Variants in ITGB2 observed in about 807,000 individuals in gnomAD.
The protein encoded by ITGB2 is integrin subunit beta 2.
A neutral mutation model predicts 86.8 loss-of-function variants in ITGB2; 56 were observed. That is an observed-to-expected ratio of 0.65 (90% CI 0.52 to 0.81). ITGB2 has a LOEUF of 0.81. ITGB2 is among the 30% of genes least tolerant of loss of function. The pLI is 0.00. For synonymous variants in ITGB2, 457 were observed against 450.4 expected (o/e 1.01, Z -0.19); for missense variants, 948 against 1,061.2 (o/e 0.89, Z 1.48).
At chr21:44,909,846 G>A (rs2084102035) in intron 3 of ITGB2, among the ~76,000 whole-genome samples, 1 of 152,230 alleles carries the variant, frequency 6.6e-6, no homozygotes, top group Non-Finnish European at 1.5e-5. Flanking sequence ...TCCCTGCAAA[G>A]CCCCTGGATT....
intron 1 of ITGB2, among the ~76,000 whole-genome samples, chr21:44,911,705 G>C (rs928188631): frequency 6.6e-6 from 1 of 152,162 alleles, no homozygotes; most frequent in Non-Finnish European, 1.5e-5. Context: ...CTTAACCCAC[G>C]CATCCACAGC....
rs111374906 is a variant in ITGB2 at position 44,919,267 on chromosome 21, C to T, written c.-4+1554G>A. 3.1e-3 allele frequency among the ~76,000 whole-genome samples: 469 copies of T among 152,304 alleles called. 3 individuals carry two copies. The highest frequency in any genetic ancestry group is 0.01 in the African/African-American group (424 of 41,574). ...GGGGCCGAGGCATGGGCTCAGCCGCCGCCCTGCAGGGACGTAGCCAGGGAC... is the reference window on the plus strand; with the variant it reads ...GGGGCCGAGGCATGGGCTCAGCCGCTGCCCTGCAGGGACGTAGCCAGGGAC... On this transcript the variant is annotated intron_variant, in intron 1 of 15. Transcript: ENST00000652462.
At chr21:44,903,283 C>T (rs1380357467) in intron 5 of ITGB2, 82 bp downstream of exon 5, 25 of 1,552,314 alleles carry the variant, frequency 1.6e-5, no homozygotes, top group African/African-American at 9.5e-5. Flanking sequence ...GACCTGAGTG[C>T]GAGGAGTTGT....
intron 4 of ITGB2, among the ~76,000 whole-genome samples, chr21:44,905,236 C>T (rs2084025244): frequency 6.6e-6 from 1 of 152,112 alleles, no homozygotes; most frequent in Non-Finnish European, 1.5e-5. Flanking sequence ...CTTCCCAGAT[C>T]CTGCCGCCCT....
chr21:44,917,257 T>C (rs1402231449), intron 1 of ITGB2, among the ~76,000 whole-genome samples: 1 of 152,184 alleles, frequency 6.6e-6, no homozygotes, highest in South Asian at 2.1e-4. Flanking sequence ...AACGAAAACA[T>C]GCAAACAGCT....
At chr21:44,921,987 G>T (rs902511001), upstream of ITGB2, among the ~76,000 whole-genome samples, 19 of 152,222 alleles carry the variant, frequency 1.2e-4, no homozygotes, top group African/African-American at 4.6e-4. Context: ...GCCTTCCAAA[G>T]TGCTGGGATT....
chr21:44,889,920 C>A, intron 12 of ITGB2, 58 bp downstream of exon 12: 1 of 1,607,216 alleles, frequency 6.2e-7, no homozygotes, highest in Non-Finnish European at 8.5e-7. Context: ...AACGCACCCC[C>A]CAACACCAAG....
intron 3 of ITGB2, chr21:44,907,850 G>A: frequency 3.5e-6 from 2 of 568,314 alleles, no homozygotes; most frequent in Non-Finnish European, 6.5e-6. Context: ...AGTCCCCAGG[G>A]TGCCTCTTTG....
intron 1 of ITGB2, among the ~76,000 whole-genome samples, chr21:44,914,795 T>G (rs185183520): frequency 4.8e-4 from 73 of 152,092 alleles, no homozygotes; most frequent in African/African-American, 1.8e-3. Context: ...TAGCCAGACA[T>G]GGTGGCATGC....
intron 11 of ITGB2, 70 bp from the exon 12 acceptor site, chr21:44,890,292 C>T (rs911355682): frequency 8.8e-6 from 14 of 1,595,340 alleles, no homozygotes; most frequent in Non-Finnish European, 1.2e-5. Context: ...CCGCCCTGTC[C>T]TCCAGGCCCC....
chr21:44,922,893 A>G (rs546376090), upstream of ITGB2: 2 of 152,334 alleles, frequency 1.3e-5, no homozygotes, highest in South Asian at 2.1e-4. Flanking sequence ...TTCTCTGTCA[A>G]GGGTATCTTC....
intron 1 of ITGB2, among the ~76,000 whole-genome samples, chr21:44,916,932 T>G (rs1568907789): frequency 6.6e-6 from 1 of 151,216 alleles, no homozygotes; most frequent in Non-Finnish European, 1.5e-5. Flanking sequence ...AAATGGCACA[T>G]GTTGTACTAA....
At chr21:44,910,415 C>T in intron 2 of ITGB2, 43 bp from the exon 3 acceptor site, 2 of 1,613,358 alleles carry the variant, frequency 1.2e-6, no homozygotes, top group Non-Finnish European at 1.7e-6. Flanking sequence ...TCTGGGCCGC[C>T]CTGCCCACAC....
chr21:44,900,049 G>GC (rs997079859), intron 7 of ITGB2, among the ~76,000 whole-genome samples: 1 of 120,736 alleles, frequency 8.3e-6, no homozygotes, highest in African/African-American at 5.1e-5. Context: ...GCCCAGGTAG[G>GC]GGGGCAGTGG....
At chr21:44,923,543 T>C (rs1663849435), upstream of ITGB2, among the ~76,000 whole-genome samples, 1 of 152,194 alleles carries the variant, frequency 6.6e-6, no homozygotes. Flanking sequence ...GAAGCCACTG[T>C]TGGGGACATG....
At chr21:44,906,297 T>C (rs2084042042) in intron 4 of ITGB2, among the ~76,000 whole-genome samples, 2 of 151,918 alleles carry the variant, frequency 1.3e-5, no homozygotes, top group Admixed American at 1.3e-4. Flanking sequence ...CAGGTTCAAG[T>C]GATTCTCCTG....
intron 8 of ITGB2, among the ~76,000 whole-genome samples, chr21:44,896,548 C>A (rs916057480): frequency 6.6e-6 from 1 of 151,920 alleles, no homozygotes; most frequent in African/African-American, 2.4e-5. Context: ...TGGGCCCAGT[C>A]CCTTCCATGG....
At chr21:44,902,110 C>A (rs2083968734) in intron 5 of ITGB2, among the ~76,000 whole-genome samples, 1 of 152,198 alleles carries the variant, frequency 6.6e-6, no homozygotes, top group South Asian at 2.1e-4. Context: ...ACTGTGTGTG[C>A]ACGTATTCCT....
rs141799330 is a variant in ITGB2 at position 44,907,014 on chromosome 21, C to A, written c.229G>T (p.Asp77Tyr). 4 of 1,614,086 alleles carry A rather than the reference C, an allele frequency of 2.5e-6. No individual in the cohort carries two copies. In the Admixed American group the frequency reaches 5.0e-5, roughly 20 times the overall value. The part of the protein sequence containing the change: ...QLLMRGCAAD[D>Y]IMDPTSLAET... ...GCGAGGCTTGTGGGGTCCATGATGTCGTCAGCCGCACAGCCCCTCATGAGC... is the reference window on the plus strand; with the variant it reads ...GCGAGGCTTGTGGGGTCCATGATGTAGTCAGCCGCACAGCCCCTCATGAGC... The change falls in exon 4 of 16, where the codon GAC (aspartate) becomes TAC (tyrosine). Residue 77 changes from aspartate to tyrosine, a missense_variant. Physicochemically the swap from Asp to Tyr is radical, Grantham distance 160. Transcript: ENST00000652462.
Sources: allele counts gnomAD v4.1 joint callset (sites outside exome capture counted in the v4.1 genomes callset), GRCh38; gene constraint gnomAD v4.1.1; transcripts MANE v1.5; gene names NCBI Gene and HGNC (gene_info 2026-07-23, HGNC 2026-07-21).